CSMD1: variants seen among roughly 807,000 people sequenced by gnomAD.
The protein encoded by CSMD1 is CUB and Sushi multiple domains 1.
CSMD1 carries 213 observed loss-of-function variants against 417.5 expected under a neutral mutation model. The observed-to-expected ratio is 0.51, with a 90% CI of 0.46 to 0.57. CSMD1 has a LOEUF of 0.57. Among genes scored for constraint, CSMD1 ranks in the 20% least tolerant of loss-of-function variants. The probability of loss-of-function intolerance (pLI) is 0.00; values close to 1 mark genes in which losing one functional copy is unlikely to be tolerated. For synonymous variants in CSMD1, 2,862 were observed against 1,736.8 expected (o/e 1.65, Z -16.11); for missense variants, 6,923 against 4,529.7 (o/e 1.53, Z -15.17).
intron 68 of CSMD1, among the ~76,000 whole-genome samples, chr8:2,944,976 A>C (rs975039396): frequency 6.6e-6 from 1 of 152,230 alleles, no homozygotes. Context: ...AACACGTAAG[A>C]AGGTGTTTGT....
At chr8:4,360,289 G>C (rs1330048676) in intron 3 of CSMD1, among the ~76,000 whole-genome samples, 2 of 152,088 alleles carry the variant, frequency 1.3e-5, no homozygotes, top group Non-Finnish European at 2.9e-5. Context: ...TTACTTAATA[G>C]TGGTCCCCAA....
At chr8:4,869,157 A>G (rs539889440) in intron 1 of CSMD1, among the ~76,000 whole-genome samples, 1 of 152,182 alleles carries the variant, frequency 6.6e-6, no homozygotes, top group Non-Finnish European at 1.5e-5. Flanking sequence ...AAATAAATCT[A>G]TCTAGTAATA....
At chr8:4,509,406 A>G (rs1421206452) in intron 2 of CSMD1, among the ~76,000 whole-genome samples, 1 of 152,210 alleles carries the variant, frequency 6.6e-6, no homozygotes, top group Non-Finnish European at 1.5e-5. Flanking sequence ...AAGGGGAATC[A>G]GATGTATTGA....
At chr8:4,743,700 C>G (rs912782511) in intron 1 of CSMD1, among the ~76,000 whole-genome samples, 1 of 152,188 alleles carries the variant, frequency 6.6e-6, no homozygotes, top group Non-Finnish European at 1.5e-5. Flanking sequence ...TCTGCTCTAA[C>G]CACTTCTGGA....
chr8:3,832,484 G>A (rs999069996), intron 5 of CSMD1, among the ~76,000 whole-genome samples: 6 of 152,092 alleles, frequency 3.9e-5, no homozygotes, highest in Middle Eastern at 3.4e-3. Context: ...TTCTAAATGT[G>A]TATCCACATT....
At chr8:3,386,618 T>G (rs1216406656) in intron 18 of CSMD1, among the ~76,000 whole-genome samples, 1 of 152,230 alleles carries the variant, frequency 6.6e-6, no homozygotes, top group Non-Finnish European at 1.5e-5. Context: ...TGCATCATGT[T>G]TGAAAGGAAA....
intron 1 of CSMD1, among the ~76,000 whole-genome samples, chr8:4,854,581 C>A (rs925323040): frequency 1.3e-5 from 2 of 152,132 alleles, no homozygotes; most frequent in Admixed American, 6.5e-5. Context: ...TGAAGCAGGG[C>A]GAGGCATTGC....
intron 5 of CSMD1, among the ~76,000 whole-genome samples, chr8:3,840,696 T>A (rs1803077768): frequency 2.0e-5 from 3 of 149,680 alleles, no homozygotes; most frequent in African/African-American, 7.4e-5. Context: ...TTTTTTAATT[T>A]TTTTTTTTTT....
intron 5 of CSMD1, among the ~76,000 whole-genome samples, chr8:3,794,745 C>A (rs529680398): frequency 6.6e-6 from 1 of 152,038 alleles, no homozygotes; most frequent in Non-Finnish European, 1.5e-5. Context: ...GTTGCAACTT[C>A]CAGGTCAAGA....
At position 3,773,151 on chromosome 8, in the gene CSMD1, G is replaced by A. The variant is rs1008658815; in HGVS notation, c.819-19109C>T. On this transcript the variant is annotated intron_variant, in intron 5 of 69. Coordinates refer to ENST00000635120, the MANE Select transcript of CSMD1 (RefSeq NM_033225.6). ...TTCGCCAAGTCTCCACCTTCTAATA[G>A]CATTAGGATTTCAACATGAACTCTA... is the stretch of plus-strand genomic sequence containing the variant. 2.0e-5 allele frequency among the ~76,000 whole-genome samples: 3 copies of A among 152,136 alleles called. No homozygotes were observed. In the East Asian group the frequency reaches 5.8e-4, roughly 29 times the overall value.
chr8:4,346,283 A>G (rs563852754), intron 3 of CSMD1, among the ~76,000 whole-genome samples: 92 of 152,310 alleles, frequency 6.0e-4, no homozygotes, highest in African/African-American at 2.1e-3. Flanking sequence ...ATAGCACATG[A>G]AAGATACACA....
chr8:4,457,429 G>C (rs552446225), intron 2 of CSMD1, among the ~76,000 whole-genome samples: 1 of 151,988 alleles, frequency 6.6e-6, no homozygotes, highest in African/African-American at 2.4e-5. Flanking sequence ...GAGTGACAGG[G>C]AAAAAACAAA....
intron 5 of CSMD1, among the ~76,000 whole-genome samples, chr8:3,825,594 G>T (rs1368930654): frequency 6.6e-6 from 1 of 152,116 alleles, no homozygotes; most frequent in Non-Finnish European, 1.5e-5. Context: ...AGTGGGGGAA[G>T]GGATTAATAG....
At chr8:3,959,618 C>T (rs1812189182) in intron 5 of CSMD1, among the ~76,000 whole-genome samples, 1 of 152,220 alleles carries the variant, frequency 6.6e-6, no homozygotes, top group Admixed American at 6.5e-5. Flanking sequence ...CAAATCACAG[C>T]ATCTCACTTG....
chr8:4,951,838 A>G (rs952835129), intron 1 of CSMD1, among the ~76,000 whole-genome samples: 1 of 103,042 alleles, frequency 9.7e-6, no homozygotes, highest in African/African-American at 3.2e-5. Flanking sequence ...ATAAAGATCA[A>G]CAAAGTTAAT....
At chr8:3,931,627 A>G (rs1177779317) in intron 5 of CSMD1, among the ~76,000 whole-genome samples, 2 of 149,864 alleles carry the variant, frequency 1.3e-5, no homozygotes, top group East Asian at 2.0e-4. Flanking sequence ...GAGACAGAGA[A>G]AAGTGCCTCA....
In CSMD1 at chr8:4,141,887, G is replaced by A. The variant is rs555254539; in HGVS notation, c.416-109788C>T. 2.6e-5 allele frequency among the ~76,000 whole-genome samples: 4 copies of A among 151,082 alleles called. No homozygotes were observed. The South Asian group carries it at 8.3e-4, about 31-fold the overall frequency. ...ATTGAGAGTACCAATCCTACAAGGA[G>A]GAAAGAAAACATGAGAACTTCTTAG... On this transcript the variant is annotated intron_variant, in intron 3 of 69. Coordinates refer to ENST00000635120, the MANE Select transcript of CSMD1 (RefSeq NM_033225.6).
chr8:3,947,679 T>C (rs972213110), intron 5 of CSMD1, among the ~76,000 whole-genome samples: 1 of 152,216 alleles, frequency 6.6e-6, no homozygotes, highest in African/African-American at 2.4e-5. Flanking sequence ...GATAAGATAA[T>C]ATAACATAGT....
intron 36 of CSMD1, 146 bp from the exon 37 acceptor site, chr8:3,181,360 A>C (rs1585576303): frequency 1.6e-6 from 1 of 641,634 alleles, no homozygotes; most frequent in East Asian, 2.8e-5. Flanking sequence ...TGGTTTTATT[A>C]TGTATTCAGC....
Sources: allele counts gnomAD v4.1 joint callset (sites outside exome capture counted in the v4.1 genomes callset), GRCh38; gene constraint gnomAD v4.1.1; transcripts MANE v1.5; gene names NCBI Gene and HGNC (gene_info 2026-07-23, HGNC 2026-07-21).